Variants in UBR3 observed in about 807,000 individuals in gnomAD.
The protein encoded by UBR3 is E3 ubiquitin-protein ligase UBR3.
Under a neutral mutation model 243.2 loss-of-function variants are expected in UBR3, and 85 were observed. That is an observed-to-expected ratio of 0.35 (90% CI 0.29 to 0.42). UBR3 has a LOEUF of 0.42. UBR3 is among the 10% of genes least tolerant of loss of function. The probability of loss-of-function intolerance (pLI) is 1.00; values close to 1 mark genes in which losing one functional copy is unlikely to be tolerated. For synonymous variants in UBR3, 748 were observed against 799.8 expected, an observed-to-expected ratio of 0.94 and a Z score of 1.09; for missense variants, 1,686 against 2,300.8, an observed-to-expected ratio of 0.73 and a Z score of 5.47.
chr2:170,075,182 C>G (rs1201867943), intron 36 of UBR3, among the ~76,000 whole-genome samples: 3 of 151,262 alleles, frequency 2.0e-5, no homozygotes, highest in African/African-American at 7.3e-5. Context: ...AAGATGCTAT[C>G]TCATTTTATA....
intron 26 of UBR3, among the ~76,000 whole-genome samples, chr2:170,000,974 A>G (rs2089674368): frequency 6.6e-6 from 1 of 152,224 alleles, no homozygotes; most frequent in African/African-American, 2.4e-5. Flanking sequence ...TCAGTACCAT[A>G]CTTTATCTCA....
Position 170,084,027 on chromosome 2 carries a change from T to A in UBR3, c.*2184T>A, listed in dbSNP as rs1157794524. ...ACAGTACATTACTGTAGAAGCTAAA[T>A]TGATCTTTATAATTAAGCAGAAATT... On this transcript the variant is annotated 3_prime_UTR_variant, in exon 39 of 39. Coordinates refer to ENST00000272793, the MANE Select transcript of UBR3 (RefSeq NM_172070.4). 6.6e-6 allele frequency: 1 copy of A among 152,610 alleles called. No individual in the cohort carries two copies. The highest frequency in any genetic ancestry group is 2.4e-5 in the African/African-American group (1 of 41,462). 9.5% of individuals were successfully genotyped at this position (152,610 alleles called of 1,614,324 possible).
chr2:169,836,067 ATTTTTT>A (rs60845808), intron 1 of UBR3, among the ~76,000 whole-genome samples: 864 of 32,556 alleles, frequency 0.027, 43 homozygotes, highest in Middle Eastern at 0.071. Flanking sequence ...ATATATATAT[ATTTTTT>A]TTTTTTTTTT....
intron 24 of UBR3, among the ~76,000 whole-genome samples, chr2:169,962,424 T>C (rs764844917): frequency 7.9e-5 from 12 of 152,030 alleles, no homozygotes; most frequent in Non-Finnish European, 1.5e-4. Context: ...TCAGGAGAGC[T>C]CCTTAGACAG....
intron 16 of UBR3, 68 bp from the exon 17 acceptor site, chr2:169,927,252 G>T: frequency 2.9e-6 from 4 of 1,362,284 alleles, no homozygotes; most frequent in Non-Finnish European, 4.0e-6. Flanking sequence ...AGTAAAAAGT[G>T]TGGTAAGTTT....
In UBR3 at chr2:170,008,910, A is replaced by G; in HGVS notation, c.4337A>G (p.Asn1446Ser). The G allele has an allele frequency of 6.3e-7, 1 of 1,597,682 alleles. No homozygotes were observed. Among genetic ancestry groups the G allele is most frequent in the Non-Finnish European group, 8.5e-7 (1 of 1,173,886 alleles). The change falls in exon 29 of 39, where the codon AAT (asparagine) becomes AGT (serine). Residue 1446 changes from asparagine (N) to serine (S), a missense_variant. Asn to Ser is a conservative substitution (Grantham distance 46). Coordinates refer to ENST00000272793, the MANE Select transcript of UBR3 (RefSeq NM_172070.4). ...DYSKTPGSPD[N>S]DFLFMYSVAR... ...AGCAAGACCCCGGGCTCACCAGACA[A>G]TGATTTTCTCTTTATGTACTCTGTT... is the stretch of plus-strand genomic sequence containing the variant.
At chr2:170,020,821 C>T (rs1383464328) in intron 30 of UBR3, among the ~76,000 whole-genome samples, 1 of 152,056 alleles carries the variant, frequency 6.6e-6, no homozygotes, top group East Asian at 1.9e-4. Flanking sequence ...TTTTGCTCTT[C>T]ATTTTAAATA....
At chr2:170,028,080 T>C (rs2090577240) in intron 30 of UBR3, among the ~76,000 whole-genome samples, 1 of 151,950 alleles carries the variant, frequency 6.6e-6, no homozygotes, top group Non-Finnish European at 1.5e-5. Context: ...ACACATTGAC[T>C]TATAAATAGG....
intron 1 of UBR3, among the ~76,000 whole-genome samples, chr2:169,846,706 T>C (rs1423816754): frequency 7.2e-6 from 1 of 139,460 alleles, no homozygotes; most frequent in Non-Finnish European, 1.6e-5. Context: ...CAAGACTCTG[T>C]CTCAAAAAAA....
chr2:170,023,561 C>T lies in UBR3; in HGVS notation c.4454-5785C>T, dbSNP rs188348200. Among the ~76,000 whole-genome samples the T allele has an allele frequency of 5.6e-3, 856 of 151,992 alleles. 6 individuals are homozygous for T. The highest frequency in any genetic ancestry group is 0.019 in the African/African-American group (802 of 41,462). ...AGTAGCTGGGATTACAGGCACCCAC[C>T]ACCACACCCAGCTAATTTTTGTTTT... On this transcript the variant is annotated intron_variant, in intron 30 of 38. Transcript: ENST00000272793.
intron 1 of UBR3, among the ~76,000 whole-genome samples, chr2:169,864,630 G>A (rs922494535): frequency 5.9e-5 from 9 of 151,548 alleles, no homozygotes; most frequent in East Asian, 1.9e-4. Flanking sequence ...AAGGCCGGGC[G>A]CGGTGGCTCA....
intron 1 of UBR3, among the ~76,000 whole-genome samples, chr2:169,860,951 G>A (rs890356449): frequency 6.6e-6 from 1 of 152,188 alleles, no homozygotes; most frequent in Non-Finnish European, 1.5e-5. Flanking sequence ...CTGGCAAACC[G>A]CTGGTGTAAG....
At chr2:169,891,861 A>G (rs2084390742) in intron 6 of UBR3, among the ~76,000 whole-genome samples, 1 of 152,190 alleles carries the variant, frequency 6.6e-6, no homozygotes. Flanking sequence ...TAAGCTTTTA[A>G]CCACAATGTT....
At chr2:169,890,540 G>GAGATATAT (rs1553504401) in intron 5 of UBR3, among the ~76,000 whole-genome samples, 2 of 75,996 alleles carry the variant, frequency 2.6e-5, no homozygotes, top group African/African-American at 6.4e-5. Flanking sequence ...GAGAGAGAGA[G>GAGATATAT]ATATATATAT....
At chr2:170,021,062 A>C (rs2090377920) in intron 30 of UBR3, among the ~76,000 whole-genome samples, 1 of 152,124 alleles carries the variant, frequency 6.6e-6, no homozygotes, top group South Asian at 2.1e-4. Flanking sequence ...GGTGATATTA[A>C]AAGGCAGCAT....
Position 170,006,983 on chromosome 2 carries a change from C to G in UBR3, c.4030-7C>G. ...TCACGCATCTGTATGTTTATTTCGT[C>G]TTTTAGAATGACCAGGTTCTTCAGG... On this transcript the variant is annotated splice_polypyrimidine_tract_variant and splice_region_variant and intron_variant, in intron 27 of 38. Coordinates refer to ENST00000272793, the MANE Select transcript of UBR3 (RefSeq NM_172070.4). 6.2e-7 allele frequency: 1 copy of G among 1,610,610 alleles called. No homozygotes were observed. The highest frequency in any genetic ancestry group is 8.5e-7 in the Non-Finnish European group (1 of 1,179,130).
chr2:169,885,990 C>T (rs1559058474), intron 5 of UBR3, among the ~76,000 whole-genome samples: 1 of 151,950 alleles, frequency 6.6e-6, no homozygotes, highest in Non-Finnish European at 1.5e-5. Flanking sequence ...AACCCCGTCT[C>T]TACTAAAAAT....
chr2:169,944,394 TTTA>T lies in UBR3; in HGVS notation c.2805+1765_2805+1767del, dbSNP rs2086708736. Among the ~76,000 whole-genome samples the T allele has an allele frequency of 3.9e-5, 6 of 152,114 alleles. 1 individual carries two copies. In the South Asian group the frequency reaches 1.2e-3, roughly 31 times the overall value. On this transcript the variant is annotated intron_variant, in intron 20 of 38. Coordinates refer to ENST00000272793, the MANE Select transcript of UBR3 (RefSeq NM_172070.4). ...ATTAAGGAAGCCTTATGGCAAATTA[TTTA>T]TTATGCTCTTTCAAGTTATATTTTT...
chr2:169,936,466 T>A (rs1228557495), intron 19 of UBR3, among the ~76,000 whole-genome samples: 2 of 151,846 alleles, frequency 1.3e-5, no homozygotes, highest in African/African-American at 2.4e-5. Flanking sequence ...TTTTGAAGAT[T>A]TTTTTTCTTC....
Sources: allele counts gnomAD v4.1 joint callset (sites outside exome capture counted in the v4.1 genomes callset), GRCh38; gene constraint gnomAD v4.1.1; transcripts MANE v1.5; gene names NCBI Gene and HGNC (gene_info 2026-07-23, HGNC 2026-07-21).